Variants in NEK10 observed in about 807,000 individuals in gnomAD.
NEK10 encodes NIMA related kinase 10.
In NEK10, 122 loss-of-function variants were observed where a neutral mutation model predicts 159.8. That is an observed-to-expected ratio of 0.76 (90% CI 0.66 to 0.89). NEK10 has a LOEUF of 0.89. NEK10 is among the 40% of genes least tolerant of loss of function. NEK10 has a pLI of 0.00. For missense variants in NEK10, 1,342 were observed against 1,323.1 expected (o/e 1.01, Z -0.22); for synonymous variants, 466 against 457.1 (o/e 1.02, Z -0.25).
At chr3:27,301,481 G>C (rs1455591032) in intron 13 of NEK10, among the ~76,000 whole-genome samples, 1 of 152,124 alleles carries the variant, frequency 6.6e-6, no homozygotes, top group African/African-American at 2.4e-5. Context: ...CTCTTGCTAG[G>C]TTCAGAACAC....
chr3:27,171,183 C>A (rs1946948682), intron 29 of NEK10, among the ~76,000 whole-genome samples: 1 of 152,104 alleles, frequency 6.6e-6, no homozygotes, highest in Non-Finnish European at 1.5e-5. Context: ...TTGTTTCAGT[C>A]CCTACTCTAA....
At chr3:27,194,393 G>T in intron 25 of NEK10, 1 of 152,350 alleles carries the variant, frequency 6.6e-6, no homozygotes, top group Non-Finnish European at 1.5e-5. Context: ...GGGATTACAA[G>T]GGTGAGTCAC....
intron 26 of NEK10, among the ~76,000 whole-genome samples, chr3:27,179,296 C>A (rs978500206): frequency 3.3e-5 from 5 of 152,168 alleles, no homozygotes; most frequent in African/African-American, 1.2e-4. Context: ...AATATTTACA[C>A]AAAGCTAAAA....
At chr3:27,195,931 A>G (rs1168779375) in intron 25 of NEK10, among the ~76,000 whole-genome samples, 1 of 152,190 alleles carries the variant, frequency 6.6e-6, no homozygotes, top group Non-Finnish European at 1.5e-5. Context: ...TACTGCGTTA[A>G]GTGGGTCAGA....
intron 33 of NEK10, among the ~76,000 whole-genome samples, chr3:27,117,743 G>C (rs1448850040): frequency 6.6e-6 from 1 of 152,146 alleles, no homozygotes; most frequent in Non-Finnish European, 1.5e-5. Context: ...CGGATAGATA[G>C]ATTGCAAAAA....
chr3:27,136,828 G>C (rs965478169), intron 31 of NEK10, among the ~76,000 whole-genome samples: 2 of 152,192 alleles, frequency 1.3e-5, no homozygotes, highest in African/African-American at 4.8e-5. Flanking sequence ...CCAAAAGTAA[G>C]AAGTTTTCCT....
At chr3:27,247,645 C>T (rs766067617) in intron 23 of NEK10, among the ~76,000 whole-genome samples, 194 of 152,192 alleles carry the variant, frequency 1.3e-3, no homozygotes, top group Non-Finnish European at 2.3e-3. Context: ...AATCATTCCT[C>T]CCGCCTCAGC....
chr3:27,346,067 G>T lies in NEK10; in HGVS notation c.263+19C>A. 2 of 1,612,170 alleles carry T rather than the reference G, an allele frequency of 1.2e-6. No individual in the cohort carries two copies. The highest frequency in any genetic ancestry group is 1.7e-6 in the Non-Finnish European group (2 of 1,178,420). On this transcript the variant is annotated intron_variant, in intron 4 of 35. Transcript: ENST00000691995. ...GCAGAATAAGTTGCTGAAGACGAAG[G>T]AGATGCTGGATTTCTTACCTAAAAT...
intron 29 of NEK10, among the ~76,000 whole-genome samples, chr3:27,166,248 T>A (rs1946463852): frequency 6.6e-6 from 1 of 152,194 alleles, no homozygotes; most frequent in African/African-American, 2.4e-5. Context: ...GTTGGTATCA[T>A]GACAACAAAG....
chr3:27,352,118 G>A (rs1008624497), intron 3 of NEK10, among the ~76,000 whole-genome samples: 6 of 152,124 alleles, frequency 3.9e-5, no homozygotes, highest in African/African-American at 1.4e-4. Flanking sequence ...GGTAGAAAGT[G>A]CTTTGAAAAT....
intron 30 of NEK10, among the ~76,000 whole-genome samples, chr3:27,158,355 T>C (rs1265665345): frequency 1.3e-5 from 2 of 152,202 alleles, no homozygotes; most frequent in Non-Finnish European, 2.9e-5. Context: ...AAAATCACTT[T>C]GGCAATTGTG....
intron 26 of NEK10, among the ~76,000 whole-genome samples, chr3:27,190,309 T>A (rs1343049507): frequency 6.6e-6 from 1 of 152,070 alleles, no homozygotes; most frequent in Non-Finnish European, 1.5e-5. Flanking sequence ...CAAACACATA[T>A]GGAAATACTG....
chr3:27,160,526 A>G (rs1246900897), intron 30 of NEK10, among the ~76,000 whole-genome samples: 3 of 152,218 alleles, frequency 2.0e-5, no homozygotes, highest in Admixed American at 1.3e-4. Flanking sequence ...CTCAGGTGGT[A>G]ACCCAAATGT....
intron 9 of NEK10, chr3:27,309,589 T>A (rs1575684855): frequency 3.3e-5 from 5 of 152,144 alleles, no homozygotes; most frequent in Admixed American, 6.6e-5. Flanking sequence ...TTCTCATACA[T>A]CCTTCTATTT....
intron 32 of NEK10, among the ~76,000 whole-genome samples, chr3:27,120,620 G>C (rs372798450): frequency 6.6e-6 from 1 of 151,898 alleles, no homozygotes; most frequent in African/African-American, 2.4e-5. Flanking sequence ...ATAAGCCACC[G>C]CGCCTGGCCA....
At chr3:27,266,274 G>A (rs1029625873) in intron 22 of NEK10, among the ~76,000 whole-genome samples, 2 of 152,124 alleles carry the variant, frequency 1.3e-5, no homozygotes, top group African/African-American at 4.8e-5. Flanking sequence ...ATACTGCAAA[G>A]ACTATATCCA....
intron 23 of NEK10, among the ~76,000 whole-genome samples, chr3:27,230,960 C>G (rs1007248386): frequency 5.3e-5 from 8 of 152,030 alleles, no homozygotes; most frequent in African/African-American, 1.4e-4. Flanking sequence ...ATCATCAAGA[C>G]AGAATGTCAA....
intron 25 of NEK10, among the ~76,000 whole-genome samples, chr3:27,201,080 T>A (rs959358118): frequency 1.3e-5 from 2 of 152,176 alleles, no homozygotes; most frequent in African/African-American, 4.8e-5. Context: ...ATAAATCACA[T>A]TATCAGTTTA....
chr3:27,127,263 T>A (rs1269743305), intron 32 of NEK10, among the ~76,000 whole-genome samples: 1 of 152,132 alleles, frequency 6.6e-6, no homozygotes, highest in Non-Finnish European at 1.5e-5. Context: ...AAGAGATGGA[T>A]TTCTTTTTAA....
Sources: allele counts gnomAD v4.1 joint callset (sites outside exome capture counted in the v4.1 genomes callset), GRCh38; gene constraint gnomAD v4.1.1; transcripts MANE v1.5; gene names NCBI Gene and HGNC (gene_info 2026-07-23, HGNC 2026-07-21).